KANK1: variants seen among roughly 807,000 people sequenced by gnomAD.
The protein encoded by KANK1 is KN motif and ankyrin repeat domains 1.
Under a neutral mutation model 106.2 loss-of-function variants are expected in KANK1, and 109 were observed. That is an observed-to-expected ratio of 1.03 (90% confidence interval 0.88 to 1.20). The LOEUF is 1.20. Ranked by LOEUF, KANK1 falls within the 50% of genes most tolerant of loss-of-function variation. KANK1 has a pLI of 0.00. For missense variants in KANK1, 2,399 were observed against 1,710.7 expected (o/e 1.40, Z -7.10); for synonymous variants, 873 against 652.2 (o/e 1.34, Z -5.16).
At chr9:722,791 A>G (rs1438075849) in intron 3 of KANK1, among the ~76,000 whole-genome samples, 1 of 152,194 alleles carries the variant, frequency 6.6e-6, no homozygotes, top group Non-Finnish European at 1.5e-5. Flanking sequence ...GTTGAATTAC[A>G]TGGACACTTA....
chr9:505,764 C>T (rs923863377), intron 1 of KANK1, among the ~76,000 whole-genome samples: 4 of 152,202 alleles, frequency 2.6e-5, no homozygotes, highest in Non-Finnish European at 4.4e-5. Context: ...TCTATTAGAC[C>T]CTGATACCCG....
intron 1 of KANK1, among the ~76,000 whole-genome samples, chr9:557,677 G>T (rs1243674932): frequency 6.6e-6 from 1 of 152,220 alleles, no homozygotes; most frequent in Non-Finnish European, 1.5e-5. Flanking sequence ...GGAAGAACAG[G>T]AGAAGGCAGC....
intron 10 of KANK1, among the ~76,000 whole-genome samples, chr9:743,155 C>G (rs557202732): frequency 9.2e-5 from 14 of 152,116 alleles, no homozygotes; most frequent in Non-Finnish European, 1.3e-4. Context: ...GGCTTGGTTC[C>G]GTTTTTGAAA....
chr9:711,775 C>T lies in KANK1; in HGVS notation c.1009C>T (p.Arg337Trp), dbSNP rs139937975. ...GNASQLEQLS[R>W]ARRSGGELYI... ...CGCCTCCCAGCTGGAACAGCTCTCC[C>T]GGGCCCGAAGAAGTGGCGGGGAATT... is the stretch of plus-strand genomic sequence containing the variant. The change falls in exon 3 of 12, where the codon CGG (arginine) becomes TGG (tryptophan). Residue 337 changes from arginine (R) to tryptophan (W), a missense_variant. Transcript: ENST00000382297. 2.1e-5 allele frequency: 34 copies of T among 1,614,066 alleles called. No individual in the cohort carries two copies. Among genetic ancestry groups the T allele is most frequent in the African/African-American group, 1.5e-4 (11 of 74,932 alleles).
In KANK1 at chr9:605,566, G is replaced by A. The variant is rs1034194056; in HGVS notation, c.-83-71324G>A. Among the ~76,000 whole-genome samples the A allele has an allele frequency of 2.0e-5, 3 of 151,740 alleles. No homozygotes were observed. The East Asian group carries it at 5.8e-4, about 29-fold the overall frequency. ...CAAAGGTGTAGAGGGGTAAGAGAGCGTTAAACATGAGGCAGCTGTGTAATA... is the reference window on the plus strand; with the variant it reads ...CAAAGGTGTAGAGGGGTAAGAGAGCATTAAACATGAGGCAGCTGTGTAATA... On this transcript the variant is annotated intron_variant, in intron 1 of 11. Transcript: ENST00000382297.
intron 2 of KANK1, among the ~76,000 whole-genome samples, chr9:698,032 G>A (rs1023561987): frequency 1.3e-5 from 2 of 152,170 alleles, no homozygotes; most frequent in Non-Finnish European, 2.9e-5. Flanking sequence ...ACCATCTGGT[G>A]GGTGGAAGTT....
intron 1 of KANK1, among the ~76,000 whole-genome samples, chr9:666,100 GAGACC>G (rs1220236693): frequency 6.6e-6 from 1 of 151,850 alleles, no homozygotes; most frequent in East Asian, 1.9e-4. Flanking sequence ...AGGATCGCTT[GAGACC>G]AAGAAATCAA....
chr9:733,266 C>T (rs1011131849), intron 6 of KANK1: 9 of 152,170 alleles, frequency 5.9e-5, no homozygotes, highest in African/African-American at 2.2e-4. Context: ...GTGGAAACTT[C>T]AGTATGGTTT....
At chr9:662,241 A>C (rs1333382604) in intron 1 of KANK1, among the ~76,000 whole-genome samples, 1 of 152,186 alleles carries the variant, frequency 6.6e-6, no homozygotes, top group Non-Finnish European at 1.5e-5. Flanking sequence ...TGTGAAAATG[A>C]CCATACTGCC....
chr9:532,200 G>A (rs973527794), intron 1 of KANK1, among the ~76,000 whole-genome samples: 8 of 150,542 alleles, frequency 5.3e-5, no homozygotes, highest in East Asian at 2.0e-4. Flanking sequence ...GAGAGCATTC[G>A]TGTACAGAGA....
chr9:566,932 T>C (rs893554457), intron 1 of KANK1, among the ~76,000 whole-genome samples: 2 of 152,238 alleles, frequency 1.3e-5, no homozygotes, highest in African/African-American at 4.8e-5. Context: ...TGCCCATTCC[T>C]ATGTCCGGAA....
At chr9:680,706 A>G (rs1817374779) in intron 2 of KANK1, among the ~76,000 whole-genome samples, 1 of 152,130 alleles carries the variant, frequency 6.6e-6, no homozygotes, top group Non-Finnish European at 1.5e-5. Flanking sequence ...CAGAAGAAAA[A>G]ATACTAAGCA....
chr9:598,588 C>T (rs1203842028), intron 1 of KANK1, among the ~76,000 whole-genome samples: 1 of 127,830 alleles, frequency 7.8e-6, no homozygotes, highest in African/African-American at 2.8e-5. Context: ...TAAATTTGTT[C>T]CTAGGTTTTT....
At chr9:670,949 G>GTTTTTTTTTT (rs5895857) in intron 1 of KANK1, among the ~76,000 whole-genome samples, 7 of 103,042 alleles carry the variant, frequency 6.8e-5, no homozygotes, top group African/African-American at 2.3e-4. Flanking sequence ...GTCTGCTGGA[G>GTTTTTTTTTT]TTTTTTTTTT....
In KANK1 at chr9:626,221, T is replaced by G. The variant is rs544365187; in HGVS notation, c.-83-50669T>G. 1.3e-3 allele frequency among the ~76,000 whole-genome samples: 192 copies of G among 152,246 alleles called. 1 individual carries two copies. The highest frequency in any genetic ancestry group is 4.3e-3 in the African/African-American group (179 of 41,538). Reference sequence around the variant, plus strand: ...GTTCATGCCTGTAATCCCAGCACTTTAGGAGGCCGAGGCAGGCAGATCATC... The same window carrying G: ...GTTCATGCCTGTAATCCCAGCACTTGAGGAGGCCGAGGCAGGCAGATCATC... On this transcript the variant is annotated intron_variant, in intron 1 of 11. Transcript: ENST00000382297.
At chr9:587,815 C>A (rs973986579) in intron 1 of KANK1, among the ~76,000 whole-genome samples, 7 of 152,164 alleles carry the variant, frequency 4.6e-5, no homozygotes, top group African/African-American at 1.7e-4. Context: ...CCTGTAATGC[C>A]AGCACTTTAG....
intron 1 of KANK1, among the ~76,000 whole-genome samples, chr9:652,296 G>A (rs924213458): frequency 6.6e-6 from 1 of 152,114 alleles, no homozygotes; most frequent in African/African-American, 2.4e-5. Context: ...TAAGGCGGGT[G>A]GATCATCTGA....
intron 1 of KANK1, among the ~76,000 whole-genome samples, chr9:666,337 A>C (rs2138345025): frequency 6.6e-6 from 1 of 152,188 alleles, no homozygotes; most frequent in East Asian, 1.9e-4. Context: ...TACTGAATTC[A>C]CTTATTACTT....
In KANK1 at chr9:575,040, T is replaced by G. The variant is rs142064325; in HGVS notation, c.-84+70286T>G. 2.0e-5 allele frequency among the ~76,000 whole-genome samples: 3 copies of G among 152,208 alleles called. No homozygotes were observed. In the East Asian group the frequency reaches 5.8e-4, roughly 29 times the overall value. On this transcript the variant is annotated intron_variant, in intron 1 of 11. Coordinates refer to ENST00000382297, the MANE Select transcript of KANK1 (RefSeq NM_015158.5). ...GCTAACATTTGCTAGGCTTTATGTT[T>G]AAAAAAACAAAAACAGAAAAAGATC...
Sources: allele counts gnomAD v4.1 joint callset (sites outside exome capture counted in the v4.1 genomes callset), GRCh38; gene constraint gnomAD v4.1.1; transcripts MANE v1.5; gene names NCBI Gene and HGNC (gene_info 2026-07-23, HGNC 2026-07-21).